The following BLVRA variants were observed in gnomAD, a reference collection of about 807,000 sequenced individuals.
BLVRA encodes biliverdin reductase A.
In BLVRA, 22 loss-of-function variants were observed where a neutral mutation model predicts 32.8. The ratio of observed to expected loss-of-function variants is 0.67; its 90% confidence interval spans 0.48 to 0.96. The LOEUF is 0.96. Among genes scored for constraint, BLVRA ranks in the 40% least tolerant of loss-of-function variants. BLVRA has a pLI of 0.00. For missense variants in BLVRA, 323 were observed against 358.1 expected, an observed-to-expected ratio of 0.90 and a Z score of 0.79; for synonymous variants, 119 against 141.3, an observed-to-expected ratio of 0.84 and a Z score of 1.12.
At chr7:43,772,197 C>G (rs1408904620) in intron 2 of BLVRA, among the ~76,000 whole-genome samples, 1 of 152,224 alleles carries the variant, frequency 6.6e-6, no homozygotes, top group African/African-American at 2.4e-5. Flanking sequence ...CTTTTCATCT[C>G]TCTGCTCTCC....
chr7:43,775,441 G>A lies in BLVRA; in HGVS notation c.12+4271G>A, dbSNP rs145506057. ...GGTTCTGTTTATATGCTGGATTACC[G>A]TTATTGATTTGCATATGTTGAACCA... On this transcript the variant is annotated intron_variant, in intron 2 of 7. Transcript: ENST00000265523. Among the ~76,000 whole-genome samples the A allele has an allele frequency of 9.0e-3, 1,368 of 152,122 alleles. 16 individuals carry two copies. Among genetic ancestry groups the A allele is most frequent in the African/African-American group, 0.029 (1,211 of 41,508 alleles).
At chr7:43,775,842 T>C (rs1434099552) in intron 2 of BLVRA, among the ~76,000 whole-genome samples, 1 of 152,260 alleles carries the variant, frequency 6.6e-6, no homozygotes, top group Non-Finnish European at 1.5e-5. Flanking sequence ...TATTCAGAGA[T>C]TCAACTTCTT....
intron 1 of BLVRA, among the ~76,000 whole-genome samples, chr7:43,767,854 A>AG: frequency 6.6e-6 from 1 of 152,134 alleles, no homozygotes; most frequent in South Asian, 2.1e-4. Flanking sequence ...ACAAAAAAAA[A>AG]AGAAAGGGAG....
At chr7:43,766,959 C>T (rs565443503) in intron 1 of BLVRA, among the ~76,000 whole-genome samples, 1 of 152,236 alleles carries the variant, frequency 6.6e-6, no homozygotes, top group South Asian at 2.1e-4. Context: ...ATCATGCGTG[C>T]CACTGCATTC....
At chr7:43,775,822 G>A (rs2095760178) in intron 2 of BLVRA, among the ~76,000 whole-genome samples, 1 of 152,196 alleles carries the variant, frequency 6.6e-6, no homozygotes, top group Admixed American at 6.5e-5. Flanking sequence ...TTCAGAGCCT[G>A]TTATTGGTCT....
At chr7:43,771,374 C>T (rs1298228740) in intron 2 of BLVRA, among the ~76,000 whole-genome samples, 10 of 152,180 alleles carry the variant, frequency 6.6e-5, no homozygotes, top group Admixed American at 6.5e-4. Context: ...TGTCTGGCTT[C>T]ATTCGAACTT....
In BLVRA at chr7:43,791,372, G is replaced by A. The variant is rs776363676; in HGVS notation, c.254+4G>A. 5.6e-6 allele frequency: 9 copies of A among 1,614,000 alleles called. No homozygotes were observed. In the Admixed American group the frequency reaches 8.3e-5, roughly 15 times the overall value. On this transcript the variant is annotated splice_donor_region_variant and intron_variant, in intron 4 of 7. Transcript: ENST00000265523. ...CCAGCCATGAGGACTACATCAGGTG[G>A]GTTTTCCACACAGGCAGTCCTTGCC...
At position 43,807,106 on chromosome 7, in the gene BLVRA, T is replaced by C; in HGVS notation, c.762T>C (p.Asp254=). 6.2e-7 allele frequency: 1 copy of C among 1,614,190 alleles called. No individual in the cohort carries two copies. The highest frequency in any genetic ancestry group is 1.6e-4 in the Middle Eastern group (1 of 6,062). ...VGVNKNIFLK[D]QNIFVQKLLG... ...TGAATAAGAACATATTTCTGAAAGATCAAAATATATTTGTCCAGAAACTCT... is the reference window on the plus strand; with the variant it reads ...TGAATAAGAACATATTTCTGAAAGACCAAAATATATTTGTCCAGAAACTCT... Residue 254 remains aspartate, a synonymous_variant, in exon 8 of 8, where the codon GAT becomes GAC. Transcript: ENST00000265523.
intron 4 of BLVRA, 150 bp from the exon 5 acceptor site, chr7:43,792,565 T>G (rs2095787298): frequency 2.8e-6 from 2 of 725,016 alleles, no homozygotes; most frequent in Admixed American, 4.0e-5. Context: ...TTCCTCCATA[T>G]CCCGTGGCAC....
intron 5 of BLVRA, among the ~76,000 whole-genome samples, chr7:43,796,813 G>T (rs1331669616): frequency 6.6e-6 from 1 of 152,182 alleles, no homozygotes; most frequent in Admixed American, 6.5e-5. Flanking sequence ...TTTGATAAGA[G>T]ATCAATATCC....
chr7:43,805,835 GATC>G (rs2095803512), intron 7 of BLVRA, among the ~76,000 whole-genome samples: 1 of 152,004 alleles, frequency 6.6e-6, no homozygotes, highest in South Asian at 2.1e-4. Context: ...GGGCTCAAGC[GATC>G]CACCCACATC....
rs561352670 is a variant in BLVRA, at chr7:43,798,792, T to G, written c.353-1673T>G. Among the ~76,000 whole-genome samples, 13 of 152,310 alleles carry G rather than the reference T, an allele frequency of 8.5e-5. No individual in the cohort carries two copies. In the East Asian group the frequency reaches 2.5e-3, roughly 29 times the overall value. On this transcript the variant is annotated intron_variant, in intron 5 of 7. Coordinates refer to ENST00000265523, the MANE Select transcript of BLVRA (RefSeq NM_000712.4). ...GTGAACAGACCTGGGAATATATGGA[T>G]ACGGATGTGTGTGTGTACTGTGGTT...
chr7:43,784,076 T>C (rs1297920426), intron 2 of BLVRA, among the ~76,000 whole-genome samples: 3 of 152,254 alleles, frequency 2.0e-5, no homozygotes, highest in Non-Finnish European at 4.4e-5. Flanking sequence ...AAGCTCACTC[T>C]GTGACTGTGA....
chr7:43,790,438 C>T (rs568395152), intron 3 of BLVRA, among the ~76,000 whole-genome samples: 3 of 152,168 alleles, frequency 2.0e-5, no homozygotes, highest in African/African-American at 7.2e-5. Flanking sequence ...CACACACACA[C>T]ACACAAACAC....
rs1421156160 is a variant in BLVRA, at chr7:43,774,537, C to T, written c.12+3367C>T. Among the ~76,000 whole-genome samples, 7 of 152,160 alleles carry T rather than the reference C, an allele frequency of 4.6e-5. No homozygotes were observed. In the South Asian group the frequency reaches 1.0e-3, roughly 23 times the overall value. On this transcript the variant is annotated intron_variant, in intron 2 of 7. Transcript: ENST00000265523. ...ACCAGTACCATGCTGTTTTGGTTACCGTAGCCTTGTAGTATAGTTAGAAGT... is the reference window on the plus strand; with the variant it reads ...ACCAGTACCATGCTGTTTTGGTTACTGTAGCCTTGTAGTATAGTTAGAAGT...
At chr7:43,788,177 TG>T in intron 3 of BLVRA, 152 bp downstream of exon 3, 1 of 1,430,554 alleles carries the variant, frequency 7.0e-7, no homozygotes, top group Non-Finnish European at 9.7e-7. Context: ...GATCTCAGGT[TG>T]GGATGGGTCT....
chr7:43,785,450 T>C (rs2132570931), intron 2 of BLVRA, among the ~76,000 whole-genome samples: 1 of 152,268 alleles, frequency 6.6e-6, no homozygotes, highest in African/African-American at 2.4e-5. Flanking sequence ...TTCCCTGACT[T>C]CCAGAAGAGA....
chr7:43,782,298 C>A (rs1726594190), intron 2 of BLVRA, among the ~76,000 whole-genome samples: 1 of 152,116 alleles, frequency 6.6e-6, no homozygotes. Flanking sequence ...CTAGTTGTGG[C>A]CCAGAGGCTG....
intron 2 of BLVRA, among the ~76,000 whole-genome samples, chr7:43,780,299 C>T (rs2095767452): frequency 6.6e-6 from 1 of 152,200 alleles, no homozygotes; most frequent in Admixed American, 6.5e-5. Flanking sequence ...CTCCAGTCCC[C>T]TCACTCTGTT....
Sources: allele counts gnomAD v4.1 joint callset (sites outside exome capture counted in the v4.1 genomes callset), GRCh38; gene constraint gnomAD v4.1.1; transcripts MANE v1.5; gene names NCBI Gene and HGNC (gene_info 2026-07-23, HGNC 2026-07-21).